Variants in IQSEC1 observed in about 807,000 individuals in gnomAD.
The protein encoded by IQSEC1 is IQ motif and Sec7 domain ArfGEF 1.
IQSEC1 carries 31 observed loss-of-function variants against 91.0 expected under a neutral mutation model. The ratio of observed to expected loss-of-function variants is 0.34; its 90% CI spans 0.26 to 0.46. The LOEUF (loss-of-function observed/expected upper bound fraction) is 0.46. IQSEC1 is among the 20% of genes least tolerant of loss of function. The pLI, the probability that IQSEC1 is intolerant of heterozygous loss-of-function variation, is 1.00. For missense variants in IQSEC1, 1,388 were observed against 1,575.6 expected, an observed-to-expected ratio of 0.88 and a Z score of 2.02; for synonymous variants, 699 against 662.6, an observed-to-expected ratio of 1.05 and a Z score of -0.84.
intron 1 of IQSEC1, among the ~76,000 whole-genome samples, chr3:13,171,112 A>ACAAAC (rs1553571274): frequency 6.6e-6 from 1 of 151,172 alleles, no homozygotes; most frequent in African/African-American, 2.5e-5. Flanking sequence ...AAAAACAAAA[A>ACAAAC]AAACAAAAAA....
chr3:12,941,797 C>T lies in IQSEC1; in HGVS notation c.92G>A (p.Gly31Asp). ...SLDSPSAYPQ[G>D]PLVPGSSLSP... Reference sequence around the variant, plus strand: ...CAGGCTGGAACCGGGCACCAAGGGGCCCTGGGGGTAGGCTGAGGGGCTGTC... The same window carrying T: ...CAGGCTGGAACCGGGCACCAAGGGGTCCTGGGGGTAGGCTGAGGGGCTGTC... Residue 31 changes from glycine (G) to aspartate (D), a missense_variant, in exon 2 of 14, where the codon GGC becomes GAC. Gly to Asp is a moderately conservative substitution (Grantham distance 94). Around this residue, in one of 2 missense-constraint regions of IQSEC1, gnomAD observed 1,059 missense variants for 1,317.8 expected, o/e 0.80. Transcript: ENST00000613206. The T allele has an allele frequency of 6.2e-7, 1 of 1,611,102 alleles. No individual in the cohort carries two copies. Among genetic ancestry groups the T allele is most frequent in the Non-Finnish European group, 8.5e-7 (1 of 1,179,572 alleles).
intron 1 of IQSEC1, among the ~76,000 whole-genome samples, chr3:12,997,589 T>A (rs1702271699): frequency 6.6e-6 from 1 of 152,232 alleles, no homozygotes; most frequent in Admixed American, 6.5e-5. Flanking sequence ...ACAACCTAGA[T>A]GGCACAGCCT....
chr3:13,174,833 T>TCCCCCCCCCCCCCCC (rs754194155), intron 1 of IQSEC1, among the ~76,000 whole-genome samples: 1 of 112,710 alleles, frequency 8.9e-6, no homozygotes, highest in Non-Finnish European at 1.9e-5. Context: ...GTCTTTCTGC[T>TCCCCCCCCCCCCCCC]CCCCCCCCCC....
rs537930333 is a variant in IQSEC1, at chr3:13,259,295, A to G, written c.272+23416T>C. On this transcript the variant is annotated intron_variant, in intron 1 of 15. Transcript: ENST00000648114. The surrounding 1 kb of genome is among the most constrained non-coding windows in gnomAD (Gnocchi z 4.6). ...GTTCTAATGAATGAAGAAGCCCACA[A>G]TGCACTGCACAGATGTTATCATCTG... Among the ~76,000 whole-genome samples the G allele has an allele frequency of 6.6e-6, 1 of 152,310 alleles. No individual in the cohort carries two copies. The highest frequency in any genetic ancestry group is 2.1e-4 in the South Asian group (1 of 4,822).
At chr3:13,116,036 A>C (rs1706328942) in intron 2 of IQSEC1, among the ~76,000 whole-genome samples, 1 of 152,232 alleles carries the variant, frequency 6.6e-6, no homozygotes, top group Non-Finnish European at 1.5e-5. Context: ...GCAGGAAAGA[A>C]GGGTCCCTTA....
chr3:13,166,573 G>T (rs1229100977), intron 1 of IQSEC1, among the ~76,000 whole-genome samples: 1 of 152,202 alleles, frequency 6.6e-6, no homozygotes, highest in Non-Finnish European at 1.5e-5. Flanking sequence ...CTCATTTGCG[G>T]ATTAGGGATG....
intron 2 of IQSEC1, among the ~76,000 whole-genome samples, chr3:13,095,225 G>A (rs1384815583): frequency 7.9e-5 from 12 of 151,978 alleles, no homozygotes; most frequent in Non-Finnish European, 1.8e-4. Flanking sequence ...CATGGTCCCC[G>A]TCGTTCCTGA....
chr3:13,094,591 T>C (rs1043648057), intron 2 of IQSEC1, among the ~76,000 whole-genome samples: 1 of 152,190 alleles, frequency 6.6e-6, no homozygotes, highest in Non-Finnish European at 1.5e-5. Flanking sequence ...CTGCACTAAG[T>C]ACTGTTCGTG....
intron 2 of IQSEC1, among the ~76,000 whole-genome samples, chr3:13,114,930 C>A (rs928546149): frequency 6.6e-6 from 1 of 152,144 alleles, no homozygotes; most frequent in Non-Finnish European, 1.5e-5. Context: ...CCGGTAGGGC[C>A]CATGCACGGT....
At chr3:13,203,414 C>G (rs1349799097) in intron 1 of IQSEC1, among the ~76,000 whole-genome samples, 1 of 152,194 alleles carries the variant, frequency 6.6e-6, no homozygotes, top group Non-Finnish European at 1.5e-5. Context: ...TTCCCCAGAA[C>G]CCCATAGCCC....
intron 1 of IQSEC1, among the ~76,000 whole-genome samples, chr3:13,059,185 T>TA (rs1209105957): frequency 6.6e-6 from 1 of 152,076 alleles, no homozygotes; most frequent in African/African-American, 2.4e-5. Flanking sequence ...GGGTGTCCCA[T>TA]AGGGCTCTCC....
intron 1 of IQSEC1, among the ~76,000 whole-genome samples, chr3:13,032,186 G>C (rs1248120002): frequency 1.3e-5 from 2 of 152,178 alleles, no homozygotes; most frequent in African/African-American, 4.8e-5. Context: ...CTTTCCTAAA[G>C]ACAAGAACGT....
Position 13,214,308 on chromosome 3 carries a change from G to A in IQSEC1, c.273-50175C>T, listed in dbSNP as rs919229884. Reference sequence around the variant, plus strand: ...AACATCAGCCTTCTGCAGAGGACCCGGAACACCACATCTGCTGCTCCCAAC... The same window carrying A: ...AACATCAGCCTTCTGCAGAGGACCCAGAACACCACATCTGCTGCTCCCAAC... On this transcript the variant is annotated intron_variant, in intron 1 of 15. Coordinates refer to the IQSEC1 transcript ENST00000648114. The surrounding 1 kb of genome is among the most constrained non-coding windows in gnomAD (Gnocchi z 4.5). Among the ~76,000 whole-genome samples, 26 of 152,170 alleles carry A rather than the reference G, an allele frequency of 1.7e-4. No individual in the cohort carries two copies. Among genetic ancestry groups the A allele is most frequent in the African/African-American group, 6.0e-4 (25 of 41,436 alleles).
chr3:13,225,572 T>C (rs867750300), intron 1 of IQSEC1, among the ~76,000 whole-genome samples: 31 of 152,228 alleles, frequency 2.0e-4, no homozygotes, highest in African/African-American at 7.2e-4. Flanking sequence ...ATTCAACAAA[T>C]ATGTATCAGG....
At chr3:13,101,419 C>CAAAAAAAAAAAAA (rs5846799) in intron 2 of IQSEC1, among the ~76,000 whole-genome samples, 1 of 119,476 alleles carries the variant, frequency 8.4e-6, no homozygotes, top group African/African-American at 3.3e-5. Flanking sequence ...ATTCCATCTC[C>CAAAAAAAAAAAAA]AAAAAAAAAA....
chr3:13,145,029 G>A (rs1706865092), intron 2 of IQSEC1, among the ~76,000 whole-genome samples: 1 of 152,214 alleles, frequency 6.6e-6, no homozygotes, highest in African/African-American at 2.4e-5. Context: ...CAGATGGGCA[G>A]GAAGGCACTG....
At chr3:13,069,382 T>C (rs1705340516) in intron 1 of IQSEC1, among the ~76,000 whole-genome samples, 1 of 118,254 alleles carries the variant, frequency 8.5e-6, no homozygotes, top group African/African-American at 3.2e-5. Flanking sequence ...ATGCACAAGT[T>C]TCTTGGAGGT....
intron 1 of IQSEC1, among the ~76,000 whole-genome samples, chr3:12,982,937 G>A (rs1490407160): frequency 1.3e-5 from 2 of 152,228 alleles, no homozygotes; most frequent in South Asian, 2.1e-4. Flanking sequence ...GGCAAGGTGC[G>A]GGCCCAGGTA....
chr3:13,149,985 A>G (rs1706967506), intron 2 of IQSEC1, among the ~76,000 whole-genome samples: 1 of 152,196 alleles, frequency 6.6e-6, no homozygotes, highest in Non-Finnish European at 1.5e-5. Flanking sequence ...GGCTCCCGGG[A>G]ACGGTCCTGC....
Sources: gnomAD v4.1 joint callset for allele counts (sites outside exome capture counted in the v4.1 genomes callset) on GRCh38, gnomAD v4.1.1 for gene constraint, gnomAD v4.1.1 regional missense constraint, Gnocchi (gnomAD v3.1) non-coding constraint, MANE v1.5 for transcripts, NCBI Gene and HGNC (gene_info 2026-07-23, HGNC 2026-07-21) for gene names.